SLC13A3: variants seen among roughly 807,000 people sequenced by gnomAD.
SLC13A3 encodes Na(+)/dicarboxylate cotransporter 3.
Under a neutral mutation model 59.0 loss-of-function variants are expected in SLC13A3, and 40 were observed. That is an observed-to-expected ratio of 0.68 (90% CI 0.53 to 0.88). The LOEUF (loss-of-function observed/expected upper bound fraction) is 0.88, where lower values mean the gene tolerates loss of function less well. Among genes scored for constraint, SLC13A3 ranks in the 40% least tolerant of loss-of-function variants. The pLI is 0.00. For synonymous variants in SLC13A3, 317 were observed against 330.3 expected (o/e 0.96, Z 0.44); for missense variants, 699 against 783.2 (o/e 0.89, Z 1.28).
chr20:46,565,710 G>A (rs1490449281), intron 11 of SLC13A3, among the ~76,000 whole-genome samples: 1 of 152,172 alleles, frequency 6.6e-6, no homozygotes, highest in Non-Finnish European at 1.5e-5. Context: ...GGAATGCTAG[G>A]AGACATTTGG....
chr20:46,569,048 A>G (rs2062007436), intron 10 of SLC13A3, among the ~76,000 whole-genome samples: 1 of 152,166 alleles, frequency 6.6e-6, no homozygotes, highest in Admixed American at 6.5e-5. Context: ...CAGTGACACA[A>G]TTATAGCTCA....
chr20:46,583,611 A>T lies in SLC13A3; in HGVS notation c.1180T>A (p.Ser394Thr). ...CACCACTTGAGAGAGGGCCTTTGGG[A>T]CGGGAAGAAGAACAAGATGGTGACA... ...AIVTILFFFP[S>T]QRPSLKWWFD... The change falls in exon 9 of 13, where the codon TCC becomes ACC. Residue 394 changes from serine to threonine, a missense_variant. By Grantham distance (58) the Ser-to-Thr change is moderately conservative (BLOSUM62 1). Coordinates refer to ENST00000279027, the MANE Select transcript of SLC13A3 (RefSeq NM_022829.6). 6.2e-7 allele frequency: 1 copy of T among 1,613,682 alleles called. No individual in the cohort carries two copies. Among genetic ancestry groups the T allele is most frequent in the Middle Eastern group, 1.6e-4 (1 of 6,062 alleles).
chr20:46,610,618 C>T lies in SLC13A3; in HGVS notation c.378-9G>A. On this transcript the variant is annotated splice_polypyrimidine_tract_variant and intron_variant, in intron 2 of 12. Transcript: ENST00000279027. ...TCATCCCCAGGATGAGCCTGCAGAG[C>T]AGATGGCATTAGAGGCAAATCCAGA... 6.2e-7 allele frequency: 1 copy of T among 1,607,602 alleles called. No individual in the cohort carries two copies. The highest frequency in any genetic ancestry group is 8.5e-7 in the Non-Finnish European group (1 of 1,177,086).
chr20:46,607,556 A>G (rs1433724365), intron 3 of SLC13A3, among the ~76,000 whole-genome samples: 1 of 152,192 alleles, frequency 6.6e-6, no homozygotes, highest in Non-Finnish European at 1.5e-5. Context: ...AACCCCCAGG[A>G]TCCCCTCCCT....
Position 46,610,554 on chromosome 20 carries a change from T to C in SLC13A3, c.433A>G (p.Thr145Ala), listed in dbSNP as rs1600556329. The change falls in exon 3 of 13, where the codon ACC becomes GCC. Residue 145 changes from threonine (T) to alanine (A), a missense_variant. Transcript: ENST00000279027. ...GGAAGCATCATGGCAGTGGAGGCGG[T>C]GTTGCTCAGCCACATGGACAAGAAC... ...TSFLSMWLSNTASTAMMLPIA... is the reference protein window; with the variant it reads ...TSFLSMWLSNAASTAMMLPIA... The C allele has an allele frequency of 6.2e-7, 1 of 1,614,024 alleles. No homozygotes were observed.
At chr20:46,664,654 C>T (rs944669887) in intron 1 of SLC13A3, among the ~76,000 whole-genome samples, 1 of 151,986 alleles carries the variant, frequency 6.6e-6, no homozygotes, top group Admixed American at 6.6e-5. Context: ...GAAAATATGA[C>T]AAATCTGGGA....
chr20:46,649,133 C>T (rs1372442741), intron 1 of SLC13A3, among the ~76,000 whole-genome samples: 5 of 152,100 alleles, frequency 3.3e-5, no homozygotes, highest in African/African-American at 1.2e-4. Context: ...CTGACAAGCT[C>T]CTAGCATGGC....
chr20:46,622,363 G>C (rs749083021), intron 1 of SLC13A3, among the ~76,000 whole-genome samples: 1 of 151,976 alleles, frequency 6.6e-6, no homozygotes, highest in South Asian at 2.1e-4. Context: ...GGACACCTAG[G>C]GGAAAGTAAT....
chr20:46,566,601 C>T, intron 10 of SLC13A3: 1 of 495,154 alleles, frequency 2.0e-6, no homozygotes, highest in Non-Finnish European at 3.5e-6. Context: ...TCGAACTGCT[C>T]TCCACTCTAT....
chr20:46,588,456 A>G lies in SLC13A3; in HGVS notation c.1017-293T>C, dbSNP rs1453236622. 3.3e-5 allele frequency among the ~76,000 whole-genome samples: 5 copies of G among 152,162 alleles called. 1 individual carries two copies. The South Asian group carries it at 6.2e-4, about 19-fold the overall frequency. On this transcript the variant is annotated intron_variant, in intron 7 of 12. Transcript: ENST00000279027. ...ATCACCAGGAGTTTACCAGGGTCCTACGGAAAATCAAGAAAGTGAGAAACA... is the reference window on the plus strand; with the variant it reads ...ATCACCAGGAGTTTACCAGGGTCCTGCGGAAAATCAAGAAAGTGAGAAACA...
chr20:46,597,794 T>A (rs1366005522), intron 4 of SLC13A3, among the ~76,000 whole-genome samples: 1 of 152,236 alleles, frequency 6.6e-6, no homozygotes, highest in Non-Finnish European at 1.5e-5. Context: ...TTCATTTAAC[T>A]GTTATAATCT....
chr20:46,581,666 T>C (rs964346585), intron 9 of SLC13A3, among the ~76,000 whole-genome samples: 1 of 151,848 alleles, frequency 6.6e-6, no homozygotes, highest in Non-Finnish European at 1.5e-5. Context: ...GAGCAGAAAG[T>C]ATGAGGGGCG....
At chr20:46,652,457 G>T (rs542769039), upstream of SLC13A3, among the ~76,000 whole-genome samples, 201 of 151,914 alleles carry the variant, frequency 1.3e-3, no homozygotes, top group Non-Finnish European at 2.0e-3. Context: ...GCAGTGGAGC[G>T]ATCTCGGATC....
chr20:46,642,468 A>T (rs2062854185), intron 1 of SLC13A3, among the ~76,000 whole-genome samples: 2 of 152,190 alleles, frequency 1.3e-5, no homozygotes, highest in Non-Finnish European at 1.5e-5. Context: ...GGCGCTTAGT[A>T]GGTGCTCAGT....
At chr20:46,575,381 C>T (rs549482419) in intron 10 of SLC13A3, among the ~76,000 whole-genome samples, 192 bp downstream of exon 10, 1 of 152,334 alleles carries the variant, frequency 6.6e-6, no homozygotes, top group South Asian at 2.1e-4. Context: ...CAGGCCATAA[C>T]TCATTCCTCT....
chr20:46,559,142 C>T lies in SLC13A3; in HGVS notation c.*880G>A, dbSNP rs564225595. 2 of 152,260 alleles carry T rather than the reference C, an allele frequency of 1.3e-5. No homozygotes were observed. The highest frequency in any genetic ancestry group is 4.1e-4 in the South Asian group (2 of 4,824). The allele number at this position is 152,260 out of a possible 1,614,324, so 9.4% of individuals were successfully genotyped here. On this transcript the variant is annotated 3_prime_UTR_variant, in exon 13 of 13. Transcript: ENST00000279027. ...AGGTGGGGCATGGAGAGATCAAGGC[C>T]ACCTGCTGGGACAAGCAGCAACTGA...
chr20:46,632,465 GA>G (rs754161406), intron 1 of SLC13A3, among the ~76,000 whole-genome samples: 30,679 of 121,688 alleles, frequency 0.25, 4,047 homozygotes, highest in African/African-American at 0.4. Context: ...CCCCAAGGGG[GA>G]AAAAAAAAAA....
chr20:46,601,915 G>T (rs778417480), intron 3 of SLC13A3, among the ~76,000 whole-genome samples: 7 of 152,142 alleles, frequency 4.6e-5, no homozygotes, highest in Non-Finnish European at 1.0e-4. Context: ...GGTAGGAAGT[G>T]GGTGGGATCA....
At chr20:46,626,479 C>A (rs1600580028) in intron 1 of SLC13A3, among the ~76,000 whole-genome samples, 1 of 152,188 alleles carries the variant, frequency 6.6e-6, no homozygotes, top group East Asian at 1.9e-4. Context: ...GTTGGGAAGT[C>A]AATCCTTGGC....
Sources: allele counts gnomAD v4.1 joint callset (sites outside exome capture counted in the v4.1 genomes callset), GRCh38; gene constraint gnomAD v4.1.1; transcripts MANE v1.5; gene names NCBI Gene and HGNC (gene_info 2026-07-23, HGNC 2026-07-21).